PHC3: variants seen among roughly 807,000 people sequenced by gnomAD.
The protein encoded by PHC3 is polyhomeotic-like protein 3.
In PHC3, 13 loss-of-function variants were observed where a neutral mutation model predicts 107.4. The ratio of observed to expected loss-of-function variants is 0.12; its 90% CI spans 0.08 to 0.19. PHC3 has a LOEUF of 0.19. Among genes scored for constraint, PHC3 ranks in the 10% least tolerant of loss-of-function variants. PHC3 has a pLI of 1.00. For synonymous variants in PHC3, 456 were observed against 427.4 expected, an observed-to-expected ratio of 1.07 and a Z score of -0.83; for missense variants, 992 against 1,210.9, an observed-to-expected ratio of 0.82 and a Z score of 2.68.
rs1396210746 is a variant in PHC3 at position 170,088,776 on chromosome 3, G to A, written c.*8454C>T. 2 of 152,132 alleles carry A rather than the reference G, an allele frequency of 1.3e-5. No individual in the cohort carries two copies. The highest frequency in any genetic ancestry group is 2.4e-5 in the African/African-American group (1 of 41,428). 9.4% of individuals were successfully genotyped at this position (152,132 alleles called of 1,614,324 possible). ...AACTTTTTGAAACCCAGATTATCTG[G>A]CTACTTAGATGATAGTCTTCCTGTT... On this transcript the variant is annotated 3_prime_UTR_variant, in exon 15 of 15. Transcript: ENST00000495893.
intron 2 of PHC3, among the ~76,000 whole-genome samples, chr3:170,175,638 G>A (rs1035475591): frequency 1.3e-5 from 2 of 150,814 alleles, no homozygotes; most frequent in South Asian, 2.1e-4. Flanking sequence ...AAAAAAAAAG[G>A]GGGGGGCCAG....
At chr3:170,143,612 A>G (rs953067088) in intron 6 of PHC3, among the ~76,000 whole-genome samples, 12 of 152,242 alleles carry the variant, frequency 7.9e-5, no homozygotes, top group Non-Finnish European at 1.8e-4. Flanking sequence ...ATTATGAAGA[A>G]TACCAGAATA....
intron 8 of PHC3, among the ~76,000 whole-genome samples, chr3:170,125,085 A>G (rs925062518): frequency 1.3e-5 from 2 of 152,188 alleles, no homozygotes; most frequent in African/African-American, 4.8e-5. Flanking sequence ...AAAGTAGGCA[A>G]CATTTTTTAA....
At chr3:170,145,877 G>C (rs1377332584) in intron 5 of PHC3, among the ~76,000 whole-genome samples, 1 of 151,518 alleles carries the variant, frequency 6.6e-6, no homozygotes, top group Admixed American at 6.6e-5. Context: ...TTCCTAAAAT[G>C]GGAAGTAAAC....
intron 4 of PHC3, among the ~76,000 whole-genome samples, chr3:170,167,743 G>C (rs1477139151): frequency 7.0e-6 from 1 of 142,154 alleles, no homozygotes; most frequent in African/African-American, 2.6e-5. Context: ...CTGGGCGACA[G>C]AGCAAGGCTT....
In PHC3 at chr3:170,122,696, C is replaced by T. The variant is rs1577057448; in HGVS notation, c.1837G>A (p.Asp613Asn). The change falls in exon 9 of 15, where the codon GAT (aspartate) becomes AAT (asparagine). Residue 613 changes from aspartate to asparagine, a missense_variant. Asp to Asn is a conservative substitution (Grantham distance 23). Coordinates refer to ENST00000495893, the MANE Select transcript of PHC3 (RefSeq NM_024947.4). ...VCEEEMPEES[D>N]ECVRMDRTPP... ...GTTCTATCCATCCGGACACATTCAT[C>T]TGACTCTTCTGGCATTTCTTCTTCA... 5 of 1,613,984 alleles carry T rather than the reference C, an allele frequency of 3.1e-6. No individual in the cohort carries two copies. Among genetic ancestry groups the T allele is most frequent in the Non-Finnish European group, 4.2e-6 (5 of 1,179,868 alleles).
chr3:170,167,973 G>A (rs1278200181), intron 4 of PHC3, among the ~76,000 whole-genome samples: 1 of 151,900 alleles, frequency 6.6e-6, no homozygotes, highest in Non-Finnish European at 1.5e-5. Context: ...TCTGCCTGGG[G>A]AACACAGCGA....
At chr3:170,100,530 A>T (rs1455311617) in intron 14 of PHC3, among the ~76,000 whole-genome samples, 2 of 152,106 alleles carry the variant, frequency 1.3e-5, no homozygotes, top group Non-Finnish European at 2.9e-5. Flanking sequence ...TATTAACCAG[A>T]CTCTAAAATA....
intron 1 of PHC3, among the ~76,000 whole-genome samples, chr3:170,181,018 G>A (rs935155678): frequency 9.9e-5 from 15 of 152,216 alleles, no homozygotes; most frequent in African/African-American, 3.4e-4. Context: ...GTAAGTTCTG[G>A]AGTCGTTAAC....
chr3:170,133,085 G>C (rs1416670965), intron 7 of PHC3, among the ~76,000 whole-genome samples: 1 of 152,006 alleles, frequency 6.6e-6, no homozygotes, highest in East Asian at 1.9e-4. Context: ...AATACAAGTA[G>C]ATTTTTTTAC....
intron 4 of PHC3, chr3:170,149,931 C>T (rs1725630163): frequency 2.0e-5 from 3 of 152,168 alleles, no homozygotes; most frequent in African/African-American, 7.2e-5. Context: ...CATTCAAATT[C>T]ATGAAGCTTT....
At chr3:170,180,636 C>T (rs755571834) in intron 1 of PHC3, among the ~76,000 whole-genome samples, 92 of 147,926 alleles carry the variant, frequency 6.2e-4, no homozygotes, top group Non-Finnish European at 1.2e-3. Context: ...CAACATTATA[C>T]AGTATTAGTG....
chr3:170,134,297 C>A (rs1172085281), intron 7 of PHC3, among the ~76,000 whole-genome samples: 3 of 151,984 alleles, frequency 2.0e-5, no homozygotes, highest in Non-Finnish European at 4.4e-5. Context: ...TCAAGTAATT[C>A]TCCTGCCTCA....
intron 14 of PHC3, among the ~76,000 whole-genome samples, chr3:170,099,378 TA>T (rs984994009): frequency 3.3e-5 from 5 of 151,934 alleles, no homozygotes; most frequent in African/African-American, 7.3e-5. Context: ...TATAGAAATT[TA>T]AAAAAAAGTG....
chr3:170,142,044 T>C (rs1724199400), intron 6 of PHC3, among the ~76,000 whole-genome samples: 1 of 152,242 alleles, frequency 6.6e-6, no homozygotes, highest in South Asian at 2.1e-4. Flanking sequence ...GGAGGCACTA[T>C]GTTAAGTACT....
chr3:170,128,981 T>C lies in PHC3; in HGVS notation c.1491A>G (p.Ser497=), dbSNP rs143950376. 9.4e-5 allele frequency: 152 copies of C among 1,613,822 alleles called. No homozygotes were observed. The African/African-American group carries it at 1.7e-3, about 18-fold the overall frequency. The change falls in exon 8 of 15, where the codon TCA becomes TCG. Residue 497 remains serine, a synonymous_variant. Transcript: ENST00000495893. The part of the protein sequence containing the change: ...VSPGQQIVSP[S]HQQYSSLQSS... Reference sequence around the variant, plus strand: ...ACTGCAGGGATGAATATTGCTGGTGTGATGGAGAGACAATCTGCTGGCCTG... The same window carrying C: ...ACTGCAGGGATGAATATTGCTGGTGCGATGGAGAGACAATCTGCTGGCCTG...
chr3:170,157,957 A>G (rs1291050900), intron 4 of PHC3, among the ~76,000 whole-genome samples: 1 of 151,938 alleles, frequency 6.6e-6, no homozygotes, highest in South Asian at 2.1e-4. Flanking sequence ...GCAAGAGAAA[A>G]GTAGTTTTTA....
chr3:170,128,102 A>G (rs1202614511), intron 8 of PHC3, among the ~76,000 whole-genome samples: 1 of 152,202 alleles, frequency 6.6e-6, no homozygotes, highest in Non-Finnish European at 1.5e-5. Context: ...GATGGCCTAC[A>G]GTTAAATTTT....
At chr3:170,141,353 G>A (rs772166370) in intron 6 of PHC3, among the ~76,000 whole-genome samples, 4 of 152,018 alleles carry the variant, frequency 2.6e-5, no homozygotes, top group Non-Finnish European at 4.4e-5. Flanking sequence ...CATTCCTCTA[G>A]CCCCTCAAAA....
Sources: gnomAD v4.1 joint callset for allele counts (sites outside exome capture counted in the v4.1 genomes callset) on GRCh38, gnomAD v4.1.1 for gene constraint, MANE v1.5 for transcripts, NCBI Gene and HGNC (gene_info 2026-07-23, HGNC 2026-07-21) for gene names.